The following LRRC38 variants were observed in gnomAD, a reference collection of about 807,000 sequenced individuals.
The protein encoded by LRRC38 is leucine-rich repeat-containing protein 38.
LRRC38 carries 5 observed loss-of-function variants against 16.4 expected under a neutral mutation model. That is an observed-to-expected ratio of 0.31 (90% CI 0.16 to 0.64). LRRC38 has a LOEUF of 0.64. LRRC38 is among the 30% of genes least tolerant of loss of function. LRRC38 has a pLI of 0.80. For missense variants in LRRC38, 341 were observed against 401.8 expected (o/e 0.85, Z 1.29); for synonymous variants, 191 against 190.2 (o/e 1.00, Z -0.04).
At chr1:13,489,993 T>C (rs144555970) in intron 1 of LRRC38, among the ~76,000 whole-genome samples, 16 of 152,228 alleles carry the variant, frequency 1.1e-4, no homozygotes, top group African/African-American at 3.4e-4. Flanking sequence ...GTGTGACCTG[T>C]GTCTGAATCC....
At chr1:13,488,032 T>TTGTGTGTGTGTGTGTGTG (rs71570140) in intron 1 of LRRC38, among the ~76,000 whole-genome samples, 193 of 147,202 alleles carry the variant, frequency 1.3e-3, no homozygotes, top group African/African-American at 2.3e-3. Context: ...TTGTGTGTGT[T>TTGTGTGTGTGTGTGTGTG]TGTGTGTGTG....
At position 13,508,876 on chromosome 1, in the gene LRRC38, G is replaced by A. The variant is rs114817965; in HGVS notation, c.631+4087C>T. Reference sequence around the variant, plus strand: ...CTCACAGTGTCTGACATCAGAAAACGGAAGTGGAGCTTCGGGGAAATGGGG... The same window carrying A: ...CTCACAGTGTCTGACATCAGAAAACAGAAGTGGAGCTTCGGGGAAATGGGG... On this transcript the variant is annotated intron_variant, in intron 1 of 1. Coordinates refer to ENST00000376085, the MANE Select transcript of LRRC38 (RefSeq NM_001010847.2). 2.9e-3 allele frequency among the ~76,000 whole-genome samples: 443 copies of A among 152,266 alleles called. 1 individual carries two copies. The highest frequency in any genetic ancestry group is 4.9e-3 in the Non-Finnish European group (333 of 68,022).
At chr1:13,488,032 T>TGTGTGTGTGTGTG (rs1638959097) in intron 1 of LRRC38, among the ~76,000 whole-genome samples, 2 of 147,104 alleles carry the variant, frequency 1.4e-5, no homozygotes, top group Admixed American at 1.4e-4. Context: ...TTGTGTGTGT[T>TGTGTGTGTGTGTG]TGTGTGTGTG....
intron 1 of LRRC38, among the ~76,000 whole-genome samples, chr1:13,511,951 GA>G (rs1031994955): frequency 2.6e-5 from 4 of 151,426 alleles, no homozygotes; most frequent in Non-Finnish European, 5.9e-5. Context: ...TCCGTAAATG[GA>G]AAAAAAAATA....
chr1:13,480,280 G>A (rs530708199), intron 1 of LRRC38, among the ~76,000 whole-genome samples: 30 of 152,352 alleles, frequency 2.0e-4, no homozygotes, highest in African/African-American at 6.7e-4. Flanking sequence ...CGGAGGTAGA[G>A]GCTGCAGTGA....
At chr1:13,501,436 TCTCA>T (rs1308713847) in intron 1 of LRRC38, among the ~76,000 whole-genome samples, 2 of 151,568 alleles carry the variant, frequency 1.3e-5, no homozygotes, top group African/African-American at 2.4e-5. Flanking sequence ...TGAGACGGAA[TCTCA>T]CTCTGTTGCC....
intron 1 of LRRC38, among the ~76,000 whole-genome samples, chr1:13,485,752 G>C (rs966601824): frequency 3.9e-5 from 6 of 152,178 alleles, no homozygotes; most frequent in Non-Finnish European, 5.9e-5. Context: ...TCATTCAAGG[G>C]GGTTGCATGC....
intron 1 of LRRC38, among the ~76,000 whole-genome samples, chr1:13,481,803 C>T (rs909285559): frequency 4.9e-5 from 7 of 142,552 alleles, no homozygotes; most frequent in African/African-American, 1.7e-4. Context: ...CTCTCTCTCT[C>T]TCTCTCTCTC....
chr1:13,492,021 A>G (rs1639019189), intron 1 of LRRC38, among the ~76,000 whole-genome samples: 1 of 152,092 alleles, frequency 6.6e-6, no homozygotes, highest in African/African-American at 2.4e-5. Flanking sequence ...GCGTTGTTAC[A>G]TTCACACCGT....
intron 1 of LRRC38, among the ~76,000 whole-genome samples, chr1:13,496,203 G>C (rs1639077772): frequency 6.6e-6 from 1 of 152,068 alleles, no homozygotes; most frequent in South Asian, 2.1e-4. Context: ...GTCTCGTTCT[G>C]TCACCCAGGC....
At chr1:13,506,917 C>T (rs1006666122) in intron 1 of LRRC38, among the ~76,000 whole-genome samples, 1 of 152,228 alleles carries the variant, frequency 6.6e-6, no homozygotes. Flanking sequence ...ACTGAGCCGG[C>T]TGGAACTTGC....
chr1:13,483,203 G>A (rs1415605543), intron 1 of LRRC38, among the ~76,000 whole-genome samples: 2 of 151,852 alleles, frequency 1.3e-5, no homozygotes, highest in Non-Finnish European at 2.9e-5. Flanking sequence ...CCAGGCTGGA[G>A]TGCAGTTGTG....
intron 1 of LRRC38, among the ~76,000 whole-genome samples, chr1:13,502,085 G>A (rs1276867502): frequency 4.1e-5 from 6 of 147,680 alleles, no homozygotes; most frequent in East Asian, 4.2e-4. Context: ...ACGCTGCCAC[G>A]CCCAGCCAAT....
intron 1 of LRRC38, among the ~76,000 whole-genome samples, chr1:13,498,827 G>A (rs1427180531): frequency 6.6e-6 from 1 of 152,110 alleles, no homozygotes. Flanking sequence ...TCAGAATTCT[G>A]CAGGCTGAAC....
intron 1 of LRRC38, among the ~76,000 whole-genome samples, chr1:13,477,559 C>T (rs533222658): frequency 2.0e-5 from 3 of 152,072 alleles, no homozygotes; most frequent in South Asian, 2.1e-4. Context: ...GGAAAAAGGC[C>T]GGGTGTGGTG....
intron 1 of LRRC38, among the ~76,000 whole-genome samples, chr1:13,497,719 T>C (rs1479489304): frequency 2.0e-5 from 3 of 152,076 alleles, no homozygotes; most frequent in Non-Finnish European, 2.9e-5. Flanking sequence ...CTCATGCCTA[T>C]AATCCTAGCA....
intron 1 of LRRC38, among the ~76,000 whole-genome samples, chr1:13,490,233 A>G (rs962350407): frequency 6.6e-6 from 1 of 151,928 alleles, no homozygotes; most frequent in Non-Finnish European, 1.5e-5. Context: ...CGGCTGGCTC[A>G]CTGTAACCTC....
At chr1:13,497,383 C>A (rs1369263958) in intron 1 of LRRC38, among the ~76,000 whole-genome samples, 16 of 152,274 alleles carry the variant, frequency 1.1e-4, no homozygotes. Context: ...GGTTCTGACT[C>A]AGGAAGACAC....
intron 1 of LRRC38, among the ~76,000 whole-genome samples, chr1:13,504,435 A>G (rs1176007381): frequency 6.6e-6 from 1 of 152,048 alleles, no homozygotes; most frequent in Non-Finnish European, 1.5e-5. Context: ...AGAAATCAGC[A>G]TGAGGCTGGG....
Sources: gnomAD v4.1 joint callset for allele counts (sites outside exome capture counted in the v4.1 genomes callset) on GRCh38, gnomAD v4.1.1 for gene constraint, MANE v1.5 for transcripts, NCBI Gene and HGNC (gene_info 2026-07-23, HGNC 2026-07-21) for gene names.